SLC43A2: variants seen among roughly 807,000 people sequenced by gnomAD.
SLC43A2 encodes the protein large neutral amino acids transporter small subunit 4.
Under a neutral mutation model 63.2 loss-of-function variants are expected in SLC43A2, and 38 were observed. The observed-to-expected ratio is 0.60, with a 90% CI of 0.46 to 0.79. The LOEUF (loss-of-function observed/expected upper bound fraction) is 0.79, where lower values mean the gene tolerates loss of function less well. Ranked by LOEUF, SLC43A2 falls within the 30% of genes least tolerant of loss-of-function variation. The pLI, the probability that SLC43A2 is intolerant of heterozygous loss-of-function variation, is 0.00. For missense variants in SLC43A2, 644 were observed against 756.2 expected (o/e 0.85, Z 1.74); for synonymous variants, 322 against 331.0 (o/e 0.97, Z 0.30).
chr17:1,593,057 A>C lies in SLC43A2; in HGVS notation c.594+130T>G. Reference sequence around the variant, plus strand: ...TGTCGCCCCTGTGATGCCCAGGTGCATCCTGCCCGGGTGGGGGTGGTGGAG... The same window carrying C: ...TGTCGCCCCTGTGATGCCCAGGTGCCTCCTGCCCGGGTGGGGGTGGTGGAG... On this transcript the variant is annotated intron_variant, in intron 6 of 13. Transcript: ENST00000301335. The surrounding 1 kb of genome is among the most constrained non-coding windows in gnomAD (Gnocchi z 5.3). 2.5e-6 allele frequency: 2 copies of C among 806,632 alleles called. No individual in the cohort carries two copies. Among genetic ancestry groups the C allele is most frequent in the Non-Finnish European group, 4.1e-6 (2 of 488,666 alleles). 50.0% of individuals were successfully genotyped at this position (806,632 alleles called of 1,614,324 possible).
intron 9 of SLC43A2, 106 bp from the exon 10 acceptor site, chr17:1,586,157 C>T: frequency 6.9e-7 from 1 of 1,440,384 alleles, no homozygotes; most frequent in Non-Finnish European, 9.1e-7. Context: ...CTTCTGGGGT[C>T]TGCCCCAGAA....
chr17:1,588,527 T>G (rs112779899), intron 9 of SLC43A2, among the ~76,000 whole-genome samples: 33 of 147,786 alleles, frequency 2.2e-4, no homozygotes, highest in African/African-American at 7.7e-4. Flanking sequence ...CTTGTCTTTA[T>G]GGAAAAAAAA....
chr17:1,594,779 G>T (rs561380602), intron 5 of SLC43A2, among the ~76,000 whole-genome samples: 17 of 151,642 alleles, frequency 1.1e-4, no homozygotes, highest in South Asian at 1.0e-3. Flanking sequence ...CAGTAGAGAC[G>T]GGGTTTCACC....
At position 1,605,810 on chromosome 17, in the gene SLC43A2, G is replaced by C. The variant is rs1432463942; in HGVS notation, c.501+7385C>G. 2.6e-5 allele frequency among the ~76,000 whole-genome samples: 4 copies of C among 152,172 alleles called. No homozygotes were observed. Among genetic ancestry groups the C allele is most frequent in the Non-Finnish European group, 5.9e-5 (4 of 68,012 alleles). On this transcript the variant is annotated intron_variant, in intron 5 of 13. Transcript: ENST00000301335. This position sits in a 1 kb window ranked among gnomAD's most constrained non-coding sequence, Gnocchi z 4.9. ...AACAACCGGGCACCTCCAAGCACAT[G>C]CTGCCCGGGACAAGGTCCTTGTGGT... is the stretch of plus-strand genomic sequence containing the variant.
rs1238944300 is a variant in SLC43A2, at chr17:1,577,154, G to A, written c.1425-434C>T. Among the ~76,000 whole-genome samples the A allele has an allele frequency of 6.6e-6, 1 of 152,164 alleles. No individual in the cohort carries two copies. Among genetic ancestry groups the A allele is most frequent in the African/African-American group, 2.4e-5 (1 of 41,422 alleles). Reference sequence around the variant, plus strand: ...TCTGGGATTACAGGCGTGAGCCACCGCGCCCGGCCCTGCTGGGTGGTTCTG... The same window carrying A: ...TCTGGGATTACAGGCGTGAGCCACCACGCCCGGCCCTGCTGGGTGGTTCTG... On this transcript the variant is annotated intron_variant, in intron 12 of 13. Transcript: ENST00000301335. The surrounding 1 kb of genome is among the most constrained non-coding windows in gnomAD (Gnocchi z 4.9).
At chr17:1,623,730 GTACCCTCCTCTCCTCCAGGC>G (rs1908382783) in intron 2 of SLC43A2, among the ~76,000 whole-genome samples, 3 of 128,376 alleles carry the variant, frequency 2.3e-5, no homozygotes, top group South Asian at 2.7e-4. Flanking sequence ...CCTCCAGGCT[GTACCCTCCTCTCCTCCAGGC>G]TGTACCCTCC....
At chr17:1,628,602 G>A (rs867337152) in intron 1 of SLC43A2, among the ~76,000 whole-genome samples, 192 bp downstream of exon 1, 1 of 152,166 alleles carries the variant, frequency 6.6e-6, no homozygotes, top group Non-Finnish European at 1.5e-5. Flanking sequence ...CCGGCAACTC[G>A]CCCGTTTCCA....
chr17:1,578,266 C>T lies in SLC43A2; in HGVS notation c.1408G>A (p.Gly470Ser), dbSNP rs765010199. Residue 470 changes from glycine to serine, a missense_variant, in exon 12 of 14, where the codon GGC (glycine) becomes AGC (serine). Physicochemically the swap from Gly to Ser is moderately conservative, Grantham distance 56 (BLOSUM62 0). Transcript: ENST00000301335. This position sits in a 1 kb window ranked among gnomAD's most constrained non-coding sequence, Gnocchi z 6.5. Reference sequence around the variant, plus strand: ...AGGACTTACACGGCAGCGTACAGGCCCCCGACAGCGGAGTGGATGAATCCT... The same window carrying T: ...AGGACTTACACGGCAGCGTACAGGCTCCCGACAGCGGAGTGGATGAATCCT... ...VRGFIHSAVG[G>S]LYAAVYPSTQ... 5.6e-6 allele frequency: 9 copies of T among 1,614,010 alleles called. No homozygotes were observed. In the South Asian group the frequency reaches 8.8e-5, roughly 16 times the overall value.
At chr17:1,614,826 TA>T (rs1258299422) in intron 4 of SLC43A2, among the ~76,000 whole-genome samples, 152 bp downstream of exon 4, 2 of 152,026 alleles carry the variant, frequency 1.3e-5, no homozygotes, top group Non-Finnish European at 2.9e-5. Context: ...CTATTTGAGA[TA>T]AGTAACTGAG....
In SLC43A2 at chr17:1,578,101, G is replaced by A; in HGVS notation, c.1424+149C>T. 1 of 725,140 alleles carries A rather than the reference G, an allele frequency of 1.4e-6. No homozygotes were observed. Among genetic ancestry groups the A allele is most frequent in the Non-Finnish European group, 2.2e-6 (1 of 449,144 alleles). The allele number at this position is 725,140 out of a possible 1,614,324, so 44.9% of individuals were successfully genotyped here. A position where few individuals can be genotyped will look rare whatever the true frequency, so the allele number is the denominator to read the frequency against. ...TGGCCTTTCCCTGAAACACCCAGCAGAAACCCTGGTACCTGTCCCCTGAAG... is the reference window on the plus strand; with the variant it reads ...TGGCCTTTCCCTGAAACACCCAGCAAAAACCCTGGTACCTGTCCCCTGAAG... On this transcript the variant is annotated intron_variant, in intron 12 of 13. Transcript: ENST00000301335. The surrounding 1 kb of genome is among the most constrained non-coding windows in gnomAD (Gnocchi z 6.5).
rs1352691156 is a variant in SLC43A2 at position 1,590,702 on chromosome 17, C to G, written c.1078+100G>C. The stretch of plus-strand genomic sequence containing the variant: ...CTCCTGGGATGCGGCCTTTCCATGG[C>G]CCGGCTGGCCCGGCTCAGCTTAACA... On this transcript the variant is annotated intron_variant, in intron 9 of 13. Coordinates refer to ENST00000301335, the MANE Select transcript of SLC43A2 (RefSeq NM_152346.3). The G allele has an allele frequency of 5.5e-6, 8 of 1,455,352 alleles. No individual in the cohort carries two copies. The African/African-American group carries it at 9.8e-5, about 18-fold the overall frequency. 90.2% of individuals were successfully genotyped at this position (1,455,352 alleles called of 1,614,324 possible).
chr17:1,627,819 GCCGTGCAGGCCATCCACCAGCGGCGCCGA>G lies in SLC43A2; in HGVS notation c.27_55del (p.Arg11AlafsTer119). 6.3e-7 allele frequency: 1 copy of G among 1,592,640 alleles called. No individual in the cohort carries two copies. Among genetic ancestry groups the G allele is most frequent in the Non-Finnish European group, 8.5e-7 (1 of 1,169,960 alleles). On this transcript the variant is annotated frameshift_variant, in exon 2 of 14. Transcript: ENST00000301335. LOFTEE classifies it high-confidence loss of function. ...CGAGAAGAGGAGGTTCTCCAGCACGGCCGTGCAGGCCATCCACCAGCGGCGCCGATGGGCAGTGGCCAGGGTGGGCGCCA... is the reference window on the plus strand; with the variant it reads ...CGAGAAGAGGAGGTTCTCCAGCACGGTGGGCAGTGGCCAGGGTGGGCGCCA...
intron 2 of SLC43A2, among the ~76,000 whole-genome samples, chr17:1,627,237 G>A (rs1000877416): frequency 1.3e-5 from 2 of 152,146 alleles, no homozygotes; most frequent in Non-Finnish European, 1.5e-5. Flanking sequence ...CTCCACAATG[G>A]CCTGAGGAAC....
At chr17:1,619,159 GC>G (rs1907935961) in intron 2 of SLC43A2, among the ~76,000 whole-genome samples, 1 of 151,898 alleles carries the variant, frequency 6.6e-6, no homozygotes, top group Non-Finnish European at 1.5e-5. Context: ...ACAAAAATTA[GC>G]CGGGCATGGT....
intron 10 of SLC43A2, chr17:1,585,644 T>C (rs1238447348): frequency 2.5e-5 from 34 of 1,353,476 alleles, no homozygotes; most frequent in Non-Finnish European, 3.1e-5. Context: ...TACCCCAGCC[T>C]TTCAAAGTGC....
chr17:1,586,833 G>C (rs1215557018), intron 9 of SLC43A2: 1 of 1,124,826 alleles, frequency 8.9e-7, no homozygotes, highest in Non-Finnish European at 1.2e-6. Flanking sequence ...TACCCCCACG[G>C]CTCTAGCCAG....
chr17:1,602,858 A>G (rs1906193053), intron 5 of SLC43A2, among the ~76,000 whole-genome samples: 2 of 147,070 alleles, frequency 1.4e-5, no homozygotes, highest in African/African-American at 5.1e-5. Context: ...TCCCGGGTTC[A>G]TGCGATTCTC....
At chr17:1,599,905 G>T (rs976152051) in intron 5 of SLC43A2, among the ~76,000 whole-genome samples, 3 of 149,380 alleles carry the variant, frequency 2.0e-5, no homozygotes, top group Non-Finnish European at 4.4e-5. Flanking sequence ...TTAGCTGGGC[G>T]TGGTGGCGGG....
chr17:1,626,226 G>A (rs1054541), intron 2 of SLC43A2, among the ~76,000 whole-genome samples: 23,048 of 148,640 alleles, frequency 0.16, 2,597 homozygotes, highest in East Asian at 0.39. Flanking sequence ...CCACCAGGGA[G>A]GCAAGCAGGA....
Sources: gnomAD v4.1 joint callset for allele counts (sites outside exome capture counted in the v4.1 genomes callset) on GRCh38, gnomAD v4.1.1 for gene constraint, Gnocchi (gnomAD v3.1) non-coding constraint, MANE v1.5 for transcripts, NCBI Gene and HGNC (gene_info 2026-07-23, HGNC 2026-07-21) for gene names.